Variants in ZNF474 observed in about 807,000 individuals in gnomAD.
ZNF474 encodes the protein zinc finger protein 474.
For missense variants in ZNF474, 511 were observed against 433.8 expected (o/e 1.18, Z -1.58); for synonymous variants, 192 against 162.2 (o/e 1.18, Z -1.39).
At chr5:122,137,500 T>C (rs1305900307) in intron 1 of ZNF474, among the ~76,000 whole-genome samples, 19 of 126,268 alleles carry the variant, frequency 1.5e-4, no homozygotes, top group Non-Finnish European at 2.6e-4. Flanking sequence ...AAGGCCTGAG[T>C]TGACAATATT....
intron 1 of ZNF474, among the ~76,000 whole-genome samples, chr5:122,131,221 C>T (rs1755567272): frequency 6.6e-6 from 1 of 152,116 alleles, no homozygotes; most frequent in Non-Finnish European, 1.5e-5. Context: ...TAATTTAATA[C>T]AGCCATTATG....
intron 1 of ZNF474, among the ~76,000 whole-genome samples, chr5:122,143,652 A>G (rs1228632430): frequency 6.6e-6 from 1 of 152,214 alleles, no homozygotes; most frequent in Non-Finnish European, 1.5e-5. Flanking sequence ...AGAAAGAAAA[A>G]GTGTACCAAA....
intron 1 of ZNF474, among the ~76,000 whole-genome samples, chr5:122,137,446 CAAAAAAAAAAAAA>C (rs1166694085): frequency 0.012 from 139 of 11,608 alleles, 1 homozygote; most frequent in Middle Eastern, 0.1. Flanking sequence ...GACTCTGTCT[CAAAAAAAAAAAAA>C]AAAAAAAAAA....
chr5:122,137,446 C>CAAAAAAAAAA lies in ZNF474; in HGVS notation c.-213+7785_-213+7794dup, dbSNP rs1166694085. On this transcript the variant is annotated intron_variant, in intron 1 of 1. Transcript: ENST00000296600. Reference sequence around the variant, plus strand: ...TGGGTGACAGAGTGAGACTCTGTCTCAAAAAAAAAAAAAAAAAAAAAAAAA... The same window carrying CAAAAAAAAAA: ...TGGGTGACAGAGTGAGACTCTGTCTCAAAAAAAAAAAAAAAAAAAAAAAAAAAAAAAAAAA... Among the ~76,000 whole-genome samples, 8 of 11,612 alleles carry CAAAAAAAAAA rather than the reference C, an allele frequency of 6.9e-4. 2 individuals carry two copies. Among genetic ancestry groups the CAAAAAAAAAA allele is most frequent in the African/African-American group, 1.0e-3 (6 of 5,774 alleles). The allele number at this position is 11,612 out of a possible 152,430, so 7.6% of individuals were successfully genotyped here. A position where few individuals can be genotyped will look rare whatever the true frequency, so the allele number is the denominator to read the frequency against.
Position 122,151,940 on chromosome 5 carries a change from G to C in ZNF474, c.-51G>C. 6.4e-7 allele frequency: 1 copy of C among 1,557,096 alleles called. No homozygotes were observed. Among genetic ancestry groups the C allele is most frequent in the Non-Finnish European group, 8.6e-7 (1 of 1,162,148 alleles). On this transcript the variant is annotated 5_prime_UTR_variant, in exon 2 of 2. Coordinates refer to ENST00000296600, the MANE Select transcript of ZNF474 (RefSeq NM_207317.3). ...CCTTCACTCTAAGCAGAAGCCCAAAGTGAGTCTGGCCTGAAATCAGAGCAA... is the reference window on the plus strand; with the variant it reads ...CCTTCACTCTAAGCAGAAGCCCAAACTGAGTCTGGCCTGAAATCAGAGCAA...
intron 1 of ZNF474, among the ~76,000 whole-genome samples, chr5:122,146,275 A>C (rs905538775): frequency 3.3e-5 from 5 of 152,192 alleles, no homozygotes; most frequent in African/African-American, 9.7e-5. Context: ...GTATACAGAC[A>C]ATAAGTTAAT....
chr5:122,151,768 C>G lies in ZNF474; in HGVS notation c.-212-11C>G. The G allele has an allele frequency of 6.0e-6, 3 of 500,970 alleles. No individual in the cohort carries two copies. Among genetic ancestry groups the G allele is most frequent in the Non-Finnish European group, 1.1e-5 (3 of 282,782 alleles). The allele number at this position is 500,970 out of a possible 1,614,324, so 31.0% of individuals were successfully genotyped here. A position where few individuals can be genotyped will look rare whatever the true frequency, so the allele number is the denominator to read the frequency against. ...ATAATAACTTCTTATGTCTCCCACC[C>G]GCCTCCACAGATCTTGGAGACATCT... is the stretch of plus-strand genomic sequence containing the variant. On this transcript the variant is annotated splice_polypyrimidine_tract_variant and intron_variant, in intron 1 of 1. Coordinates refer to ENST00000296600, the MANE Select transcript of ZNF474 (RefSeq NM_207317.3).
At chr5:122,148,505 C>A (rs556917485) in intron 1 of ZNF474, among the ~76,000 whole-genome samples, 1 of 152,164 alleles carries the variant, frequency 6.6e-6, no homozygotes, top group Non-Finnish European at 1.5e-5. Context: ...CTGAGCACTA[C>A]CTGGCCTCTT....
chr5:122,143,647 GAAA>G (rs1332515988), intron 1 of ZNF474, among the ~76,000 whole-genome samples: 1 of 152,118 alleles, frequency 6.6e-6, no homozygotes, highest in Non-Finnish European at 1.5e-5. Flanking sequence ...TTGGCAGAAA[GAAA>G]AAGTGTACCA....
At position 122,151,865 on chromosome 5, in the gene ZNF474, G is replaced by C. The variant is rs1025760089; in HGVS notation, c.-126G>C. ...TGAAGCTCTGAGTCACGGTCTGTGAGGCTAAGGTACTGGCAACGGTGTGAA... is the reference window on the plus strand; with the variant it reads ...TGAAGCTCTGAGTCACGGTCTGTGACGCTAAGGTACTGGCAACGGTGTGAA... On this transcript the variant is annotated 5_prime_UTR_variant, in exon 2 of 2. Transcript: ENST00000296600. 1.1e-5 allele frequency: 13 copies of C among 1,194,262 alleles called. No individual in the cohort carries two copies. Among genetic ancestry groups the C allele is most frequent in the Non-Finnish European group, 1.5e-5 (13 of 860,856 alleles). 74.0% of individuals were successfully genotyped at this position (1,194,262 alleles called of 1,614,324 possible).
intron 1 of ZNF474, among the ~76,000 whole-genome samples, chr5:122,134,505 G>A (rs1054318144): frequency 1.2e-4 from 19 of 152,220 alleles, no homozygotes. Flanking sequence ...AAATAGTTAA[G>A]GGCTCGTAAG....
intron 1 of ZNF474, among the ~76,000 whole-genome samples, chr5:122,135,306 A>G (rs1755674632): frequency 6.6e-6 from 1 of 152,218 alleles, no homozygotes; most frequent in African/African-American, 2.4e-5. Flanking sequence ...TTCATCTCAA[A>G]AAATTTTTTT....
chr5:122,151,187 T>C (rs1286001679), intron 1 of ZNF474, among the ~76,000 whole-genome samples: 1 of 152,166 alleles, frequency 6.6e-6, no homozygotes, highest in Non-Finnish European at 1.5e-5. Context: ...AAAATGTATA[T>C]CACAACTAGA....
At chr5:122,130,510 G>A (rs1445507699) in intron 1 of ZNF474, among the ~76,000 whole-genome samples, 1 of 152,108 alleles carries the variant, frequency 6.6e-6, no homozygotes, top group East Asian at 1.9e-4. Flanking sequence ...GGGTTTTTAA[G>A]TCAGTAGTAC....
chr5:122,129,838 C>T (rs1580592565), intron 1 of ZNF474, 155 bp downstream of exon 1: 1 of 152,154 alleles, frequency 6.6e-6, no homozygotes, highest in South Asian at 2.1e-4. Flanking sequence ...TAAATATTTC[C>T]TTGCTATTGG....
At chr5:122,137,327 A>C (rs1180812589) in intron 1 of ZNF474, among the ~76,000 whole-genome samples, 1 of 151,818 alleles carries the variant, frequency 6.6e-6, no homozygotes, top group Admixed American at 6.6e-5. Flanking sequence ...AGGTGCCTGC[A>C]ATCTCAGCTA....
At chr5:122,149,421 C>T (rs952896114) in intron 1 of ZNF474, among the ~76,000 whole-genome samples, 1 of 152,180 alleles carries the variant, frequency 6.6e-6, no homozygotes, top group Non-Finnish European at 1.5e-5. Context: ...CTCCTTCTTG[C>T]CTCTTCTTTC....
chr5:122,151,705 A>ATGTCTGTG (rs58814754), intron 1 of ZNF474, 74 bp from the exon 2 acceptor site: 9,615 of 205,830 alleles, frequency 0.047, 269 homozygotes, highest in East Asian at 0.12. Flanking sequence ...AACAACCTAA[A>ATGTCTGTG]TGTGTGTGTG....
At chr5:122,136,007 G>A (rs1373604883) in intron 1 of ZNF474, among the ~76,000 whole-genome samples, 1 of 152,062 alleles carries the variant, frequency 6.6e-6, no homozygotes, top group Non-Finnish European at 1.5e-5. Context: ...AATGGGAAAT[G>A]AATAAATAGG....
Sources: gnomAD v4.1 joint callset for allele counts (sites outside exome capture counted in the v4.1 genomes callset) on GRCh38, gnomAD v4.1.1 for gene constraint, MANE v1.5 for transcripts, NCBI Gene and HGNC (gene_info 2026-07-23, HGNC 2026-07-21) for gene names.